LRFN2: variants seen among roughly 807,000 people sequenced by gnomAD.
LRFN2 encodes leucine-rich repeat and fibronectin type-III domain-containing protein 2.
In LRFN2, 18 loss-of-function variants were observed where a neutral mutation model predicts 37.3. The observed-to-expected ratio is 0.48, with a 90% CI of 0.33 to 0.72. The LOEUF is 0.72. Among genes scored for constraint, LRFN2 ranks in the 30% least tolerant of loss-of-function variants. LRFN2 has a pLI of 0.02. For missense variants in LRFN2, 1,006 were observed against 1,060.7 expected, an observed-to-expected ratio of 0.95 and a Z score of 0.72; for synonymous variants, 556 against 466.6, an observed-to-expected ratio of 1.19 and a Z score of -2.47.
At chr6:40,539,604 T>G (rs1333115867) in intron 1 of LRFN2, among the ~76,000 whole-genome samples, 1 of 152,186 alleles carries the variant, frequency 6.6e-6, no homozygotes, top group Non-Finnish European at 1.5e-5. Context: ...CATTCAAGTT[T>G]CAAGGTGGGA....
At chr6:40,435,852 T>C (rs1051344124) in intron 1 of LRFN2, among the ~76,000 whole-genome samples, 2 of 152,198 alleles carry the variant, frequency 1.3e-5, no homozygotes, top group African/African-American at 4.8e-5. Flanking sequence ...AATCTATTCC[T>C]ATCATACACT....
At chr6:40,484,698 C>T (rs1278009280) in intron 1 of LRFN2, among the ~76,000 whole-genome samples, 2 of 152,212 alleles carry the variant, frequency 1.3e-5, no homozygotes, top group African/African-American at 4.8e-5. Context: ...GCTGCCCACC[C>T]ATCATCCAGG....
At chr6:40,558,948 G>A (rs904035210) in intron 1 of LRFN2, among the ~76,000 whole-genome samples, 2 of 152,188 alleles carry the variant, frequency 1.3e-5, no homozygotes, top group Admixed American at 6.5e-5. Context: ...CACACTCACG[G>A]ATGTGTGAGC....
At chr6:40,422,074 GT>G (rs1356946183) in intron 2 of LRFN2, among the ~76,000 whole-genome samples, 11 of 152,114 alleles carry the variant, frequency 7.2e-5, no homozygotes, top group Non-Finnish European at 1.6e-4. Flanking sequence ...CAGCTGAGGG[GT>G]AAAAAAAATG....
At chr6:40,566,313 G>A (rs1195924263) in intron 1 of LRFN2, among the ~76,000 whole-genome samples, 1 of 152,150 alleles carries the variant, frequency 6.6e-6, no homozygotes, top group Non-Finnish European at 1.5e-5. Flanking sequence ...AACCATTGTG[G>A]AAGTCCGTGT....
At chr6:40,422,004 T>G (rs1401762095) in intron 2 of LRFN2, among the ~76,000 whole-genome samples, 1 of 152,128 alleles carries the variant, frequency 6.6e-6, no homozygotes, top group Non-Finnish European at 1.5e-5. Flanking sequence ...AGAAGGGAGA[T>G]CTCAAGAGCC....
chr6:40,460,168 T>C (rs1204967533), intron 1 of LRFN2, among the ~76,000 whole-genome samples: 1 of 152,160 alleles, frequency 6.6e-6, no homozygotes, highest in Admixed American at 6.5e-5. Context: ...CGGAGGCTCC[T>C]ACTGACAGCA....
At chr6:40,393,122 C>G (rs1017605058) in intron 2 of LRFN2, among the ~76,000 whole-genome samples, 4 of 138,734 alleles carry the variant, frequency 2.9e-5, no homozygotes, top group Non-Finnish European at 6.2e-5. Flanking sequence ...GAAGGAGAGA[C>G]AGAGGAGAGG....
At chr6:40,433,278 T>A (rs565542489) in intron 1 of LRFN2, 147 bp from the exon 2 acceptor site, 4 of 572,324 alleles carry the variant, frequency 7.0e-6, no homozygotes, top group African/African-American at 5.6e-5. Context: ...CTTCCATGAA[T>A]CCCTCTAATG....
intron 2 of LRFN2, among the ~76,000 whole-genome samples, chr6:40,419,675 C>A (rs1381053895): frequency 6.6e-6 from 1 of 152,128 alleles, no homozygotes; most frequent in African/African-American, 2.4e-5. Flanking sequence ...ATCATTCCTG[C>A]CTCTGTCTCT....
intron 1 of LRFN2, among the ~76,000 whole-genome samples, chr6:40,531,159 C>G (rs1766334572): frequency 6.6e-6 from 1 of 152,186 alleles, no homozygotes; most frequent in Admixed American, 6.5e-5. Context: ...TTTCTGACTT[C>G]TAATACCACA....
At chr6:40,470,859 G>A (rs934052664) in intron 1 of LRFN2, among the ~76,000 whole-genome samples, 4 of 152,226 alleles carry the variant, frequency 2.6e-5, no homozygotes, top group Non-Finnish European at 5.9e-5. Flanking sequence ...TGGAGCATAA[G>A]AGACAGGGTC....
intron 1 of LRFN2, among the ~76,000 whole-genome samples, chr6:40,512,083 C>T (rs1367622599): frequency 6.6e-6 from 1 of 152,170 alleles, no homozygotes; most frequent in Non-Finnish European, 1.5e-5. Flanking sequence ...CCAGATCATC[C>T]CCAACCCTGC....
intron 1 of LRFN2, among the ~76,000 whole-genome samples, chr6:40,514,799 CATA>C (rs1383814524): frequency 2.0e-5 from 3 of 152,262 alleles, no homozygotes; most frequent in Admixed American, 6.5e-5. Flanking sequence ...CTCCCACCCT[CATA>C]ATACCTATTA....
chr6:40,425,895 G>C (rs1763343210), intron 2 of LRFN2, among the ~76,000 whole-genome samples: 2 of 152,304 alleles, frequency 1.3e-5, no homozygotes, highest in South Asian at 4.1e-4. Flanking sequence ...CCATGATTTG[G>C]GGTGATCCAT....
At chr6:40,579,529 T>C (rs1487191675) in intron 1 of LRFN2, among the ~76,000 whole-genome samples, 1 of 10,442 alleles carries the variant, frequency 9.6e-5, no homozygotes, top group Non-Finnish European at 1.8e-4. Flanking sequence ...ATTATCATCA[T>C]CATCACCACC....
intron 1 of LRFN2, among the ~76,000 whole-genome samples, chr6:40,461,272 G>A (rs1186654374): frequency 1.3e-5 from 2 of 152,038 alleles, no homozygotes; most frequent in African/African-American, 4.8e-5. Context: ...AGTCGGGCAT[G>A]GTAGTCACAC....
intron 1 of LRFN2, among the ~76,000 whole-genome samples, chr6:40,509,005 A>T (rs1335936934): frequency 6.6e-6 from 1 of 152,220 alleles, no homozygotes; most frequent in Non-Finnish European, 1.5e-5. Context: ...TATGGCAACC[A>T]GTGGGGCCTA....
intron 1 of LRFN2, among the ~76,000 whole-genome samples, chr6:40,434,119 T>G (rs377598950): frequency 6.6e-5 from 10 of 152,346 alleles, no homozygotes; most frequent in African/African-American, 2.4e-4. Context: ...ACTATTTGTC[T>G]TCTTTATAAT....
Sources: gnomAD v4.1 joint callset for allele counts (sites outside exome capture counted in the v4.1 genomes callset) on GRCh38, gnomAD v4.1.1 for gene constraint, MANE v1.5 for transcripts, NCBI Gene and HGNC (gene_info 2026-07-23, HGNC 2026-07-21) for gene names.